ANKRD11: variants seen among roughly 807,000 people sequenced by gnomAD.
ANKRD11 encodes the protein ankyrin repeat domain 11.
In ANKRD11, 17 loss-of-function variants were observed where a neutral mutation model predicts 195.7. The ratio of observed to expected loss-of-function variants is 0.09; its 90% confidence interval spans 0.06 to 0.13. The LOEUF is 0.13. Among genes scored for constraint, ANKRD11 ranks in the 10% least tolerant of loss-of-function variants. ANKRD11 has a pLI of 1.00. For synonymous variants in ANKRD11, 1,953 were observed against 1,528.1 expected, an observed-to-expected ratio of 1.28 and a Z score of -6.49; for missense variants, 3,735 against 3,566.1, an observed-to-expected ratio of 1.05 and a Z score of -1.21.
At chr16:89,448,833 C>A (rs934108836) in intron 1 of ANKRD11, among the ~76,000 whole-genome samples, 1 of 152,134 alleles carries the variant, frequency 6.6e-6, no homozygotes, top group African/African-American at 2.4e-5. Context: ...TCCCGGCATG[C>A]GGGCAGGGCA....
In ANKRD11 at chr16:89,281,464, G is replaced by A. The variant is rs768368719; in HGVS notation, c.5078C>T (p.Pro1693Leu). The change falls in exon 9 of 13, where the codon CCC becomes CTC. Residue 1693 changes from proline (P) to leucine (L), a missense_variant. Pro to Leu is a moderately conservative substitution (Grantham distance 98, BLOSUM62 -3). Transcript: ENST00000301030. The surrounding 1 kb of genome is among the most constrained non-coding windows in gnomAD (Gnocchi z 5.5). Reference protein sequence around the residue: ...PHMKEVLPASPRPDQSRPTGV... With the variant: ...PHMKEVLPASLRPDQSRPTGV... ...AGTGGGCCGGCTCTGGTCAGGCCTG[G>A]GGGACGCAGGCAGGACCTCTTTCAT... is the stretch of plus-strand genomic sequence containing the variant. 2 of 1,614,016 alleles carry A rather than the reference G, an allele frequency of 1.2e-6. No individual in the cohort carries two copies. The highest frequency in any genetic ancestry group is 1.7e-5 in the Admixed American group (1 of 60,010).
rs1478277299 is a variant in ANKRD11, at chr16:89,283,207, C to T, written c.3335G>A (p.Ser1112Asn). 5 of 1,614,170 alleles carry T rather than the reference C, an allele frequency of 3.1e-6. No individual in the cohort carries two copies. Among genetic ancestry groups the T allele is most frequent in the Non-Finnish European group, 4.2e-6 (5 of 1,180,050 alleles). Residue 1112 changes from serine (S) to asparagine (N), a missense_variant, in exon 9 of 13, where the codon AGC becomes AAC. Physicochemically the swap from Ser to Asn is conservative, Grantham distance 46. Coordinates refer to ENST00000301030, the MANE Select transcript of ANKRD11 (RefSeq NM_013275.6). The surrounding 1 kb of genome is among the most constrained non-coding windows in gnomAD (Gnocchi z 4.3). ...TGTGAAGATGTCTGCGATGTACCAG[C>T]TTTTCTCTTTGCCTTTCTTGTCATC... ...KKDDKKGKEK[S>N]WYIADIFTDE...
chr16:89,274,705 T>C, intron 11 of ANKRD11, 109 bp downstream of exon 11: 2 of 1,522,366 alleles, frequency 1.3e-6, no homozygotes, highest in South Asian at 1.1e-5. Flanking sequence ...TGCAAGGTGC[T>C]GAGCACCCGG....
chr16:89,354,818 C>A (rs753553822), intron 2 of ANKRD11, among the ~76,000 whole-genome samples: 2 of 150,942 alleles, frequency 1.3e-5, no homozygotes, highest in Non-Finnish European at 3.0e-5. Flanking sequence ...ACCCAGGAGG[C>A]GGAGGTTGCA....
chr16:89,419,033 A>G (rs906487163), intron 1 of ANKRD11, among the ~76,000 whole-genome samples: 15 of 152,312 alleles, frequency 9.8e-5, no homozygotes, highest in African/African-American at 3.6e-4. Context: ...TAAAAGGCTA[A>G]TTTTAACTTT....
intron 4 of ANKRD11, among the ~76,000 whole-genome samples, chr16:89,296,267 G>T (rs1220305817): frequency 2.0e-5 from 3 of 152,054 alleles, no homozygotes; most frequent in Admixed American, 6.5e-5. Flanking sequence ...TTTGAGGCTT[G>T]TGTTTTTATG....
chr16:89,292,664 G>T (rs1292733804), intron 4 of ANKRD11, among the ~76,000 whole-genome samples: 1 of 152,238 alleles, frequency 6.6e-6, no homozygotes, highest in African/African-American at 2.4e-5. Context: ...CAGCTAGTCT[G>T]TAAACAGTCC....
chr16:89,423,999 A>C (rs555746987), intron 1 of ANKRD11, among the ~76,000 whole-genome samples: 2 of 152,220 alleles, frequency 1.3e-5, no homozygotes, highest in East Asian at 3.9e-4. Context: ...CGGGATAATG[A>C]AACTCAGGCG....
rs1476508440 is a variant in ANKRD11 at position 89,362,346 on chromosome 16, C to T, written c.-59-45268G>A. ...ACCTCACGACACCTTGCACAGCCCG[C>T]AGTCCTTGCTGACTGGAAGCAGAAC... On this transcript the variant is annotated intron_variant, in intron 2 of 12. Transcript: ENST00000301030. Among the ~76,000 whole-genome samples the T allele has an allele frequency of 3.3e-5, 5 of 152,334 alleles. No homozygotes were observed. In the Middle Eastern group the frequency reaches 0.01, roughly 311 times the overall value.
intron 2 of ANKRD11, among the ~76,000 whole-genome samples, chr16:89,358,988 G>A (rs1452365699): frequency 6.6e-6 from 1 of 151,958 alleles, no homozygotes; most frequent in South Asian, 2.1e-4. Flanking sequence ...ACCACACCTG[G>A]CTAATTTTCT....
chr16:89,328,622 G>C (rs1233757181), intron 2 of ANKRD11, among the ~76,000 whole-genome samples: 1 of 150,778 alleles, frequency 6.6e-6, no homozygotes, highest in African/African-American at 2.5e-5. Flanking sequence ...TGCTGAGTGA[G>C]TGGACACACC....
intron 1 of ANKRD11, among the ~76,000 whole-genome samples, chr16:89,447,458 T>C (rs2043844460): frequency 6.6e-6 from 1 of 152,152 alleles, no homozygotes; most frequent in African/African-American, 2.4e-5. Context: ...CAGAGGGTCC[T>C]CATGATCCCA....
chr16:89,377,049 G>A (rs1240878635), intron 2 of ANKRD11, among the ~76,000 whole-genome samples: 1 of 152,202 alleles, frequency 6.6e-6, no homozygotes, highest in Non-Finnish European at 1.5e-5. Context: ...CGTGAAGTCA[G>A]GAAGTACCTT....
rs762710349 is a variant in ANKRD11 at position 89,286,168 on chromosome 16, G to T, written c.763C>A (p.Arg255=). Residue 255 remains arginine (R), a synonymous_variant, in exon 8 of 13, where the codon CGG becomes AGG. Transcript: ENST00000301030. ...GHYKVVKLLL[R]YGGNPQQSNR... ...CTCTGCTGCGGGTTCCCTCCGTACC[G>T]CAGCAGCAGCTTCACCACCTACAAG... The T allele has an allele frequency of 6.2e-7, 1 of 1,613,624 alleles. No homozygotes were observed. The highest frequency in any genetic ancestry group is 8.5e-7 in the Non-Finnish European group (1 of 1,180,034).
intron 2 of ANKRD11, chr16:89,323,306 A>C (rs2037453386): frequency 7.8e-7 from 1 of 1,288,784 alleles, no homozygotes; most frequent in Non-Finnish European, 1.0e-6. Context: ...GACACACCCT[A>C]TGACCCACAG....
chr16:89,310,307 C>G (rs2036541134), intron 3 of ANKRD11, among the ~76,000 whole-genome samples: 1 of 152,244 alleles, frequency 6.6e-6, no homozygotes, highest in Admixed American at 6.5e-5. Context: ...TGGGTCTGTC[C>G]TGCTACCAAG....
rs866609551 is a variant in ANKRD11 at position 89,281,203 on chromosome 16, G to T, written c.5339C>A (p.Ala1780Asp). 2 of 1,614,208 alleles carry T rather than the reference G, an allele frequency of 1.2e-6. No individual in the cohort carries two copies. The highest frequency in any genetic ancestry group is 4.5e-5 in the East Asian group (2 of 44,882). The change falls in exon 9 of 13, where the codon GCC (alanine) becomes GAC (aspartate). Residue 1780 changes from alanine to aspartate, a missense_variant. Transcript: ENST00000301030. This position sits in a 1 kb window ranked among gnomAD's most constrained non-coding sequence, Gnocchi z 5.5. ...GTAAAGGTTTGTGGAGAGAGGCCTG[G>T]CAGGAGCCTGGCTGGCGTTTTCCGA... The part of the protein sequence containing the change: ...GLSENASQAP[A>D]RPLSTNLYRS...
rs2039558747 is a variant in ANKRD11, at chr16:89,357,879, A to C, written c.-59-40801T>G. On this transcript the variant is annotated intron_variant, in intron 2 of 12. Transcript: ENST00000301030. ...GTGCTGGCTGCCCCTTTCTGGGGACACCTTTCCTTTCTTTTCCTATTTTTA... is the reference window on the plus strand; with the variant it reads ...GTGCTGGCTGCCCCTTTCTGGGGACCCCTTTCCTTTCTTTTCCTATTTTTA... Among the ~76,000 whole-genome samples the C allele has an allele frequency of 2.0e-5, 3 of 152,238 alleles. No individual in the cohort carries two copies. In the South Asian group the frequency reaches 6.2e-4, roughly 32 times the overall value.
At position 89,309,249 on chromosome 16, in the gene ANKRD11, G is replaced by GGA. The variant is rs1166633345; in HGVS notation, c.88-3907_88-3906dup. Among the ~76,000 whole-genome samples the GGA allele has an allele frequency of 2.0e-5, 3 of 152,320 alleles. No homozygotes were observed. In the East Asian group the frequency reaches 5.8e-4, roughly 29 times the overall value. On this transcript the variant is annotated intron_variant, in intron 3 of 12. Coordinates refer to ENST00000301030, the MANE Select transcript of ANKRD11 (RefSeq NM_013275.6). ...GCTGGGCATGGCCACAGCCACGAAG[G>GGA]GAGAGAATGCCAACAGGAGCAAAAT...
Sources: gnomAD v4.1 joint callset for allele counts (sites outside exome capture counted in the v4.1 genomes callset) on GRCh38, gnomAD v4.1.1 for gene constraint, Gnocchi (gnomAD v3.1) non-coding constraint, MANE v1.5 for transcripts, NCBI Gene and HGNC (gene_info 2026-07-23, HGNC 2026-07-21) for gene names.